Variants in PCDH11X observed in about 807,000 individuals in gnomAD.
PCDH11X encodes the protein protocadherin 11 X-linked, also known as protocadherin-11 X-linked.
In PCDH11X, 18 loss-of-function variants were observed where a neutral mutation model predicts 53.3. The observed-to-expected ratio is 0.34, with a 90% CI of 0.23 to 0.50. PCDH11X has a LOEUF of 0.50. Ranked by LOEUF, PCDH11X falls within the 20% of genes least tolerant of loss-of-function variation. The pLI, the probability that PCDH11X is intolerant of heterozygous loss-of-function variation, is 0.98. For missense variants in PCDH11X, 570 were observed against 1,032.4 expected (o/e 0.55, Z 6.14); for synonymous variants, 279 against 393.3 (o/e 0.71, Z 3.44).
chrX:91,780,947 T>G (rs927819361), intron 1 of PCDH11X, among the ~76,000 whole-genome samples: 3 of 112,037 alleles, frequency 2.7e-5, no homozygotes, highest in Non-Finnish European at 5.6e-5. Flanking sequence ...GCCCTTTTGC[T>G]TCAGAATGAT....
At chrX:92,590,121 C>T (rs917078677) in intron 10 of PCDH11X, among the ~76,000 whole-genome samples, 1 of 109,008 alleles carries the variant, frequency 9.2e-6, no homozygotes, top group East Asian at 2.9e-4. Context: ...TCTATGATTT[C>T]GTTTCCACCC....
chrX:91,959,235 G>A (rs2061751872), intron 6 of PCDH11X, among the ~76,000 whole-genome samples: 1 of 108,451 alleles, frequency 9.2e-6, no homozygotes, highest in Non-Finnish European at 1.9e-5. Context: ...TGTACATTGT[G>A]TGACTGTTAC....
At chrX:91,813,115 C>T (rs1037192386) in intron 4 of PCDH11X, among the ~76,000 whole-genome samples, 7 of 111,109 alleles carry the variant, frequency 6.3e-5, no homozygotes, top group Non-Finnish European at 1.3e-4. Context: ...ATTTCTTATT[C>T]AACAAGACAT....
chrX:91,926,006 CTGT>C (rs1941930472), intron 6 of PCDH11X, among the ~76,000 whole-genome samples: 1 of 106,647 alleles, frequency 9.4e-6, no homozygotes, highest in Non-Finnish European at 1.9e-5. Context: ...TGAGCAAATA[CTGT>C]ATAATCAGGG....
At chrX:92,532,326 T>C (rs1464381024) in intron 10 of PCDH11X, among the ~76,000 whole-genome samples, 2 of 111,459 alleles carry the variant, frequency 1.8e-5, no homozygotes, top group African/African-American at 6.5e-5. Flanking sequence ...GTTCTAAGGT[T>C]CCTTCATTTC....
rs1176480411 is a variant in PCDH11X at position 92,449,280 on chromosome X, A to G, written c.3344-19019A>G. Among the ~76,000 whole-genome samples the G allele has an allele frequency of 4.5e-5, 5 of 112,019 alleles. No individual in the cohort carries two copies. In the Admixed American group the frequency reaches 4.8e-4, roughly 11 times the overall value. On this transcript the variant is annotated intron_variant, in intron 9 of 10. Transcript: ENST00000682573. ...TATTTGAGAACTACACAACTTTCAA[A>G]TTAACTTCTTGTATAGCAGCTTCAA...
At chrX:92,382,435 A>G (rs1001301536) in intron 8 of PCDH11X, among the ~76,000 whole-genome samples, 2 of 111,349 alleles carry the variant, frequency 1.8e-5, no homozygotes, top group African/African-American at 6.5e-5. Context: ...ACCTATCTGC[A>G]TGCAGCCTCT....
At chrX:92,111,751 CATTT>C (rs201100000) in intron 6 of PCDH11X, among the ~76,000 whole-genome samples, 1 of 108,742 alleles carries the variant, frequency 9.2e-6, no homozygotes, top group Non-Finnish European at 1.9e-5. Context: ...TCTCATTTTT[CATTT>C]ATTTATTTAT....
chrX:92,200,080 T>C (rs970782189), intron 6 of PCDH11X, among the ~76,000 whole-genome samples: 6 of 111,820 alleles, frequency 5.4e-5, no homozygotes, highest in African/African-American at 1.9e-4. Flanking sequence ...TTTTATGAAA[T>C]GCCTGTTCAT....
At chrX:92,375,372 G>T (rs1356101158) in intron 8 of PCDH11X, among the ~76,000 whole-genome samples, 1 of 97,823 alleles carries the variant, frequency 1.0e-5, no homozygotes, top group African/African-American at 3.8e-5. Context: ...TAGAGACAGG[G>T]TTTCACCGTG....
intron 6 of PCDH11X, among the ~76,000 whole-genome samples, chrX:92,019,896 G>A (rs1262829949): frequency 9.0e-6 from 1 of 111,428 alleles, no homozygotes; most frequent in Non-Finnish European, 1.9e-5. Flanking sequence ...GGACTGACTC[G>A]GCAGCTGGCG....
intron 10 of PCDH11X, among the ~76,000 whole-genome samples, chrX:92,563,751 C>T (rs751959229): frequency 9.0e-6 from 1 of 111,349 alleles, no homozygotes; most frequent in South Asian, 3.7e-4. Flanking sequence ...TAGAAGAAAC[C>T]ATCTTAAGAT....
intron 8 of PCDH11X, among the ~76,000 whole-genome samples, chrX:92,347,911 C>A (rs2069941931): frequency 9.0e-6 from 1 of 111,601 alleles, no homozygotes; most frequent in African/African-American, 3.3e-5. Flanking sequence ...AGACAAATAT[C>A]ATTTTTGTTT....
intron 6 of PCDH11X, among the ~76,000 whole-genome samples, chrX:91,924,259 C>G (rs774713891): frequency 1.8e-5 from 2 of 110,006 alleles, no homozygotes; most frequent in East Asian, 5.8e-4. Flanking sequence ...GGAGGCATAA[C>G]AGGAGATCAT....
At chrX:92,388,210 T>A (rs1379749717) in intron 9 of PCDH11X, among the ~76,000 whole-genome samples, 3 of 112,043 alleles carry the variant, frequency 2.7e-5, no homozygotes, top group Non-Finnish European at 3.8e-5. Context: ...TATATTTATT[T>A]GTATATAAAC....
chrX:92,188,807 C>A (rs1440027686), intron 6 of PCDH11X, among the ~76,000 whole-genome samples: 1 of 111,486 alleles, frequency 9.0e-6, no homozygotes, highest in Non-Finnish European at 1.9e-5. Context: ...CAAAGATGAT[C>A]CCAAAGGCAT....
In PCDH11X at chrX:92,584,845, G is replaced by A. The variant is rs772275323; in HGVS notation, c.3368-33419G>A. Among the ~76,000 whole-genome samples the A allele has an allele frequency of 4.7e-3, 417 of 88,369 alleles. 2 individuals are homozygous for A. The highest frequency in any genetic ancestry group is 7.2e-3 in the Non-Finnish European group (345 of 48,247). The allele number at this position is 88,369 out of a possible 115,157, so 76.7% of individuals were successfully genotyped here. ...TTTTGCTCTTGTTGCCCAGGCTGAA[G>A]TGTAATGGCACAATCAGGGCTCACC... On this transcript the variant is annotated intron_variant, in intron 10 of 10. Transcript: ENST00000682573.
At chrX:92,518,828 C>A (rs6615416) in intron 10 of PCDH11X, among the ~76,000 whole-genome samples, 18,245 of 95,019 alleles carry the variant, frequency 0.19, 1,623 homozygotes, top group East Asian at 0.48. Flanking sequence ...GTGATCTCGG[C>A]TCACTGTAAG....
chrX:92,110,817 GC>G (rs774199813), intron 6 of PCDH11X, among the ~76,000 whole-genome samples: 27 of 110,956 alleles, frequency 2.4e-4, no homozygotes, highest in Non-Finnish European at 4.5e-4. Context: ...TCAGTTCCCA[GC>G]TTGACTTTTC....
Sources: gnomAD v4.1 joint callset for allele counts (sites outside exome capture counted in the v4.1 genomes callset) on GRCh38, gnomAD v4.1.1 for gene constraint, MANE v1.5 for transcripts, NCBI Gene and HGNC (gene_info 2026-07-23, HGNC 2026-07-21) for gene names.